FLT3: variants seen among roughly 807,000 people sequenced by gnomAD.
FLT3 encodes the protein receptor-type tyrosine-protein kinase FLT3.
FLT3 carries 46 observed loss-of-function variants against 126.6 expected under a neutral mutation model. The observed-to-expected ratio is 0.36, with a 90% CI of 0.29 to 0.46. The LOEUF is 0.46. Among genes scored for constraint, FLT3 ranks in the 20% least tolerant of loss-of-function variants. The probability of loss-of-function intolerance (pLI) is 1.00; values close to 1 mark genes in which losing one functional copy is unlikely to be tolerated. For missense variants in FLT3, 1,069 were observed against 1,190.3 expected, an observed-to-expected ratio of 0.90 and a Z score of 1.50; for synonymous variants, 404 against 434.4, an observed-to-expected ratio of 0.93 and a Z score of 0.87.
At chr13:28,034,725 T>C (rs1038930645) in intron 12 of FLT3, among the ~76,000 whole-genome samples, 3 of 152,114 alleles carry the variant, frequency 2.0e-5, no homozygotes, top group Non-Finnish European at 4.4e-5. Context: ...GAGGCCAAGA[T>C]GGGAGGATCA....
At chr13:28,054,313 T>G (rs1566086296) in intron 4 of FLT3, among the ~76,000 whole-genome samples, 1 of 152,146 alleles carries the variant, frequency 6.6e-6, no homozygotes, top group Non-Finnish European at 1.5e-5. Flanking sequence ...AATTTCTCCA[T>G]TATTAATTTA....
intron 9 of FLT3, among the ~76,000 whole-genome samples, chr13:28,039,740 G>C (rs1338048761): frequency 6.6e-6 from 1 of 151,938 alleles, no homozygotes; most frequent in Non-Finnish European, 1.5e-5. Flanking sequence ...ATAGAGACAG[G>C]GTTCACCATG....
In FLT3 at chr13:28,049,548, A is replaced by G. The variant is rs1875233135; in HGVS notation, c.883-11T>C. The stretch of plus-strand genomic sequence containing the variant: ...CTCAAAGTAGTTGCCCTAGGTTTTA[A>G]TAAAACAGAGTTTGCATTTAATGTT... On this transcript the variant is annotated splice_polypyrimidine_tract_variant and intron_variant, in intron 7 of 23. Coordinates refer to ENST00000241453, the MANE Select transcript of FLT3 (RefSeq NM_004119.3). The G allele has an allele frequency of 6.2e-7, 1 of 1,612,794 alleles. No homozygotes were observed. Among genetic ancestry groups the G allele is most frequent in the Admixed American group, 1.7e-5 (1 of 59,898 alleles).
intron 1 of FLT3, among the ~76,000 whole-genome samples, chr13:28,074,302 T>C (rs2137797478): frequency 6.6e-6 from 1 of 152,314 alleles, no homozygotes; most frequent in South Asian, 2.1e-4. Context: ...ACACAATTTG[T>C]TTTAATCTAT....
At chr13:28,008,466 G>A (rs1293879296) in intron 23 of FLT3, among the ~76,000 whole-genome samples, 1 of 151,808 alleles carries the variant, frequency 6.6e-6, no homozygotes, top group Non-Finnish European at 1.5e-5. Context: ...TAAGAGGCAT[G>A]ATTTTTATTT....
At chr13:28,075,276 T>C (rs1877851333) in intron 1 of FLT3, among the ~76,000 whole-genome samples, 1 of 152,206 alleles carries the variant, frequency 6.6e-6, no homozygotes. Flanking sequence ...ATATATTTCT[T>C]GGACTTGAAA....
At position 28,100,386 on chromosome 13, in the gene FLT3, A is replaced by T; in HGVS notation, c.43+82T>A. 1.0e-6 allele frequency: 1 copy of T among 985,998 alleles called. No individual in the cohort carries two copies. The highest frequency in any genetic ancestry group is 1.3e-6 in the Non-Finnish European group (1 of 770,890). 61.1% of individuals were successfully genotyped at this position (985,998 alleles called of 1,614,324 possible). The stretch of plus-strand genomic sequence containing the variant: ...GGGAGGAGCGAGGCGGCTGGGCCGG[A>T]GGAGGCGCGCGCCCGGGTCCACACT... On this transcript the variant is annotated intron_variant, in intron 1 of 23. Coordinates refer to ENST00000241453, the MANE Select transcript of FLT3 (RefSeq NM_004119.3). This position sits in a 1 kb window ranked among gnomAD's most constrained non-coding sequence, Gnocchi z 4.8.
Position 28,035,638 on chromosome 13 carries a change from C to G in FLT3, c.1454G>C (p.Arg485Thr). The change falls in exon 12 of 24, where the codon AGA (arginine) becomes ACA (threonine). Residue 485 changes from arginine (R) to threonine (T), a missense_variant. Transcript: ENST00000241453. ...TCCAAACACTTTTCTGTTAGCCTTT[C>G]TATTCCAGACTCCTTCTGTGATCTC... ...TEEITEGVWN[R>T]KANRKVFGQW... is the part of the protein sequence containing the mutation. 5.6e-6 allele frequency: 9 copies of G among 1,613,930 alleles called. No individual in the cohort carries two copies. The highest frequency in any genetic ancestry group is 7.6e-6 in the Non-Finnish European group (9 of 1,179,960).
At chr13:28,071,457 CAT>C (rs1342868589) in intron 1 of FLT3, among the ~76,000 whole-genome samples, 1 of 152,042 alleles carries the variant, frequency 6.6e-6, no homozygotes, top group Non-Finnish European at 1.5e-5. Flanking sequence ...TCTAGAAATT[CAT>C]ATCCCTCTGT....
At chr13:28,047,754 G>T (rs1875030006) in intron 9 of FLT3, among the ~76,000 whole-genome samples, 1 of 150,690 alleles carries the variant, frequency 6.6e-6, no homozygotes, top group Non-Finnish European at 1.5e-5. Flanking sequence ...AAGAAAATTT[G>T]TTGTTCTTAA....
At chr13:28,090,936 G>A (rs1878990963) in intron 1 of FLT3, among the ~76,000 whole-genome samples, 1 of 152,128 alleles carries the variant, frequency 6.6e-6, no homozygotes. Context: ...TTGAAAAAGA[G>A]CTCTCAAAGT....
chr13:28,090,615 C>G (rs1182663428), intron 1 of FLT3, among the ~76,000 whole-genome samples: 2 of 151,866 alleles, frequency 1.3e-5, no homozygotes, highest in Non-Finnish European at 2.9e-5. Flanking sequence ...CCATCTCTAC[C>G]AAAAATACAA....
At chr13:28,017,665 G>GTTT (rs113187201) in intron 20 of FLT3, among the ~76,000 whole-genome samples, 8 of 135,812 alleles carry the variant, frequency 5.9e-5, no homozygotes, top group East Asian at 2.3e-4. Flanking sequence ...TTTTGTTGTT[G>GTTT]TTTTTTTTTT....
intron 1 of FLT3, 32 bp from the exon 2 acceptor site, chr13:28,070,644 T>A: frequency 6.5e-7 from 1 of 1,532,470 alleles, no homozygotes; most frequent in Non-Finnish European, 9.0e-7. Context: ...ATAATGTTGA[T>A]ACATGCACAC....
At chr13:28,079,533 T>G (rs1878183771) in intron 1 of FLT3, among the ~76,000 whole-genome samples, 1 of 152,208 alleles carries the variant, frequency 6.6e-6, no homozygotes. Flanking sequence ...TCTGTTTTCA[T>G]GCTGCTGATA....
rs766061285 is a variant in FLT3, at chr13:28,048,345, T to C, written c.1135A>G (p.Ile379Val). The change falls in exon 9 of 24, where the codon ATC becomes GTC. Residue 379 changes from isoleucine to valine, a missense_variant. Ile to Val is a conservative substitution (Grantham distance 29). Transcript: ENST00000241453. ...FSVRFKAYPQ[I>V]RCTWTFSRKS... ...CGAGAGAAGGTCCACGTACATCTGA[T>C]TTGTGGGTAGGCTTTAAACCTGACA... 2 of 1,613,974 alleles carry C rather than the reference T, an allele frequency of 1.2e-6. No individual in the cohort carries two copies. Among genetic ancestry groups the C allele is most frequent in the Non-Finnish European group, 1.7e-6 (2 of 1,179,862 alleles).
chr13:28,024,386 G>A (rs1309020014), intron 18 of FLT3, among the ~76,000 whole-genome samples: 1 of 151,880 alleles, frequency 6.6e-6, no homozygotes, highest in African/African-American at 2.4e-5. Context: ...GCCTGCCTCG[G>A]CCTCCCAAGG....
chr13:28,099,598 C>T (rs911360016), intron 1 of FLT3, among the ~76,000 whole-genome samples: 1 of 152,142 alleles, frequency 6.6e-6, no homozygotes, highest in Non-Finnish European at 1.5e-5. Context: ...AGTGTCAGTC[C>T]CAAGGTTGCA....
intron 17 of FLT3, among the ~76,000 whole-genome samples, chr13:28,026,069 A>G (rs1281660335): frequency 6.6e-6 from 1 of 152,162 alleles, no homozygotes; most frequent in Non-Finnish European, 1.5e-5. Flanking sequence ...GCCAAGGCTC[A>G]GCCAGGTGCG....
Sources: allele counts gnomAD v4.1 joint callset (sites outside exome capture counted in the v4.1 genomes callset), GRCh38; gene constraint gnomAD v4.1.1; non-coding constraint Gnocchi (gnomAD v3.1); transcripts MANE v1.5; gene names NCBI Gene and HGNC (gene_info 2026-07-23, HGNC 2026-07-21).